KIAA1671: variants seen among roughly 807,000 people sequenced by gnomAD.
KIAA1671 encodes uncharacterized protein KIAA1671.
A neutral mutation model predicts 131.2 loss-of-function variants in KIAA1671; 52 were observed. That is an observed-to-expected ratio of 0.40 (90% CI 0.32 to 0.50). The LOEUF (loss-of-function observed/expected upper bound fraction) is 0.50, where lower values mean the gene tolerates loss of function less well. KIAA1671 is among the 20% of genes least tolerant of loss of function. The pLI is 0.73. For missense variants in KIAA1671, 2,360 were observed against 2,364.2 expected (o/e 1.00, Z 0.04); for synonymous variants, 1,003 against 961.6 (o/e 1.04, Z -0.80).
At chr22:24,953,032 C>T (rs1213649554) in intron 1 of KIAA1671, among the ~76,000 whole-genome samples, 3 of 152,170 alleles carry the variant, frequency 2.0e-5, no homozygotes, top group Admixed American at 6.5e-5. Context: ...GAGTGGATCC[C>T]GCGGGAAGAT....
chr22:25,182,329 CTTCT>C (rs996659195), intron 10 of KIAA1671, among the ~76,000 whole-genome samples: 7 of 74,292 alleles, frequency 9.4e-5, no homozygotes, highest in African/African-American at 2.7e-4. Flanking sequence ...TTCCTTTTCT[CTTCT>C]TTCTTTCCTC....
intron 6 of KIAA1671, among the ~76,000 whole-genome samples, chr22:25,109,043 G>A (rs988216871): frequency 3.9e-5 from 6 of 152,044 alleles, no homozygotes; most frequent in African/African-American, 1.4e-4. Flanking sequence ...TCCCCAGTAT[G>A]ACCTCAGAGA....
At chr22:25,083,805 A>G (rs1181461039) in intron 6 of KIAA1671, among the ~76,000 whole-genome samples, 3 of 152,228 alleles carry the variant, frequency 2.0e-5, no homozygotes, top group Non-Finnish European at 4.4e-5. Flanking sequence ...ATAGCAGGGA[A>G]GAAAGCCCTT....
chr22:25,087,800 C>T (rs6004431), intron 6 of KIAA1671, among the ~76,000 whole-genome samples: 60,616 of 152,046 alleles, frequency 0.4, 13,280 homozygotes, highest in African/African-American at 0.59. Context: ...CTTCAGAGCA[C>T]TGGGGCAGCT....
intron 6 of KIAA1671, among the ~76,000 whole-genome samples, chr22:25,134,452 T>C (rs1347976693): frequency 6.6e-6 from 1 of 152,194 alleles, no homozygotes; most frequent in Non-Finnish European, 1.5e-5. Flanking sequence ...GGTTTTTTCA[T>C]TATTGTTTTT....
intron 1 of KIAA1671, among the ~76,000 whole-genome samples, chr22:24,989,465 C>T (rs926762120): frequency 1.3e-5 from 2 of 152,182 alleles, no homozygotes; most frequent in Non-Finnish European, 2.9e-5. Context: ...AACCCTTGCT[C>T]TATCGCCTTC....
chr22:25,110,765 G>T (rs1368120417), intron 6 of KIAA1671, among the ~76,000 whole-genome samples: 1 of 152,162 alleles, frequency 6.6e-6, no homozygotes, highest in Non-Finnish European at 1.5e-5. Flanking sequence ...TAGTACTCCA[G>T]CCCTGTAAGG....
chr22:25,043,386 G>A (rs1927054142), intron 5 of KIAA1671, among the ~76,000 whole-genome samples: 1 of 151,834 alleles, frequency 6.6e-6, no homozygotes, highest in Admixed American at 6.6e-5. Context: ...CAGATGGGGG[G>A]AAAAAAACAG....
intron 5 of KIAA1671, among the ~76,000 whole-genome samples, chr22:25,048,415 A>G (rs1359724213): frequency 6.6e-6 from 1 of 152,210 alleles, no homozygotes; most frequent in East Asian, 1.9e-4. Context: ...CTGATCAAAA[A>G]GAGCCAGGGG....
chr22:25,002,281 C>T (rs1033895426), intron 1 of KIAA1671, among the ~76,000 whole-genome samples: 4 of 152,130 alleles, frequency 2.6e-5, no homozygotes, highest in African/African-American at 7.2e-5. Flanking sequence ...AGGTTAGGCT[C>T]CCCCAGAAGC....
chr22:25,097,736 T>TAA (rs11430695), intron 6 of KIAA1671, among the ~76,000 whole-genome samples: 146 of 142,688 alleles, frequency 1.0e-3, no homozygotes, highest in Non-Finnish European at 9.9e-4. Context: ...CGAGACTCCA[T>TAA]AAAAAAAAAA....
chr22:25,136,127 T>C (rs1366372041), intron 6 of KIAA1671, among the ~76,000 whole-genome samples: 1 of 152,204 alleles, frequency 6.6e-6, no homozygotes, highest in African/African-American at 2.4e-5. Flanking sequence ...GTAGGAAACT[T>C]CCTTGGCCCT....
At chr22:25,098,565 A>G (rs1316645284) in intron 6 of KIAA1671, among the ~76,000 whole-genome samples, 2 of 151,582 alleles carry the variant, frequency 1.3e-5, no homozygotes, top group African/African-American at 2.4e-5. Context: ...ACTCAGAAGC[A>G]AGAAGCATCA....
At chr22:24,977,197 A>G (rs955639913) in intron 1 of KIAA1671, among the ~76,000 whole-genome samples, 2 of 152,142 alleles carry the variant, frequency 1.3e-5, no homozygotes, top group African/African-American at 4.8e-5. Context: ...CATCAAACAT[A>G]TCCCTGTGTG....
chr22:25,024,221 A>G (rs1925818938), intron 1 of KIAA1671: 1 of 152,188 alleles, frequency 6.6e-6, no homozygotes, highest in Non-Finnish European at 1.5e-5. Context: ...AAGGTTCCCA[A>G]AGTGGGGTGA....
At chr22:25,099,186 G>T (rs188122679) in intron 6 of KIAA1671, among the ~76,000 whole-genome samples, 1 of 150,858 alleles carries the variant, frequency 6.6e-6, no homozygotes, top group East Asian at 1.9e-4. Flanking sequence ...GCACAGTGGG[G>T]ATGCTTGTTT....
In KIAA1671 at chr22:25,188,447, G is replaced by GGGGT. The variant is rs1347509182; in HGVS notation, c.5343-2254_5343-2253insGGTG. ...TTCTCCAGAGAAACAGAGCCAATCG[G>GGGGT]GTGTGTGTGTGTGTGTGTGTGTGTG... On this transcript the variant is annotated intron_variant, in intron 11 of 12. Coordinates refer to ENST00000358431, the MANE Select transcript of KIAA1671 (RefSeq NM_001145206.2). 6.8e-3 allele frequency among the ~76,000 whole-genome samples: 940 copies of GGGGT among 137,964 alleles called. 2 individuals are homozygous for GGGGT. Among genetic ancestry groups the GGGGT allele is most frequent in the Non-Finnish European group, 0.012 (754 of 63,836 alleles). 90.5% of individuals were successfully genotyped at this position (137,964 alleles called of 152,430 possible).
At chr22:24,953,418 G>C (rs1178198737) in intron 1 of KIAA1671, among the ~76,000 whole-genome samples, 3 of 152,110 alleles carry the variant, frequency 2.0e-5, no homozygotes, top group African/African-American at 7.2e-5. Flanking sequence ...GGTGGTTCGG[G>C]GGGCGTGAGA....
intron 6 of KIAA1671, among the ~76,000 whole-genome samples, chr22:25,158,374 C>G (rs1465385462): frequency 6.6e-6 from 1 of 152,100 alleles, no homozygotes. Flanking sequence ...GCGAACAGAC[C>G]CCAGTTCCTG....
Sources: allele counts gnomAD v4.1 joint callset (sites outside exome capture counted in the v4.1 genomes callset), GRCh38; gene constraint gnomAD v4.1.1; transcripts MANE v1.5; gene names NCBI Gene and HGNC (gene_info 2026-07-23, HGNC 2026-07-21).